CDH13: variants seen among roughly 807,000 people sequenced by gnomAD.
CDH13 encodes the protein cadherin 13, also known as cadherin-13.
CDH13 carries 24 observed loss-of-function variants against 63.8 expected under a neutral mutation model. The observed-to-expected ratio is 0.38, with a 90% CI of 0.27 to 0.53. CDH13 has a LOEUF of 0.53. CDH13 is among the 20% of genes least tolerant of loss of function. The probability of loss-of-function intolerance (pLI) is 0.85; values close to 1 mark genes in which losing one functional copy is unlikely to be tolerated. For missense variants in CDH13, 1,049 were observed against 903.1 expected (o/e 1.16, Z -2.07); for synonymous variants, 503 against 355.3 (o/e 1.42, Z -4.67).
chr16:82,776,104 G>T (rs1056659196), intron 1 of CDH13, among the ~76,000 whole-genome samples: 1 of 152,160 alleles, frequency 6.6e-6, no homozygotes, highest in African/African-American at 2.4e-5. Context: ...CAGCTACTTG[G>T]GTGGGTGAGG....
chr16:83,333,469 T>C (rs775581742), intron 5 of CDH13, among the ~76,000 whole-genome samples: 4 of 152,140 alleles, frequency 2.6e-5, no homozygotes, highest in Non-Finnish European at 4.4e-5. Context: ...TCTGGGAGAC[T>C]GTCAGGGTGC....
intron 7 of CDH13, among the ~76,000 whole-genome samples, chr16:83,556,495 G>T (rs1407717483): frequency 6.6e-6 from 1 of 152,124 alleles, no homozygotes; most frequent in Admixed American, 6.5e-5. Flanking sequence ...AGCCAAAGTT[G>T]TTGTTGTTCC....
intron 1 of CDH13, among the ~76,000 whole-genome samples, chr16:82,832,243 G>GTTTAT (rs111339851): frequency 0.71 from 107,183 of 151,474 alleles, 38,272 homozygotes; most frequent in East Asian, 0.98. Context: ...TTAAACCACT[G>GTTTAT]TTTAATACTT....
intron 5 of CDH13, among the ~76,000 whole-genome samples, chr16:83,288,271 G>C (rs1047920365): frequency 2.0e-5 from 3 of 152,168 alleles, no homozygotes; most frequent in African/African-American, 7.2e-5. Context: ...AGTGCTGTGT[G>C]AGCCATTGTG....
intron 7 of CDH13, among the ~76,000 whole-genome samples, chr16:83,495,549 G>A (rs2074116640): frequency 6.6e-6 from 1 of 152,150 alleles, no homozygotes; most frequent in Non-Finnish European, 1.5e-5. Flanking sequence ...GCATGAGAAG[G>A]GGAAAAGGGA....
intron 1 of CDH13, among the ~76,000 whole-genome samples, chr16:82,839,241 G>A (rs1031056883): frequency 7.9e-5 from 12 of 152,252 alleles, no homozygotes; most frequent in Admixed American, 2.0e-4. Context: ...ATGTGGCCGC[G>A]TCTTTTGGGT....
In CDH13 at chr16:83,248,958, G is replaced by A. The variant is rs527488751; in HGVS notation, c.636+31461G>A. On this transcript the variant is annotated intron_variant, in intron 5 of 13. Transcript: ENST00000567109. Reference sequence around the variant, plus strand: ...AACTCGTGCCCTGAATTTTGGCAAGGAAGTTATCACCAGCTTTCACTCTTT... The same window carrying A: ...AACTCGTGCCCTGAATTTTGGCAAGAAAGTTATCACCAGCTTTCACTCTTT... Among the ~76,000 whole-genome samples the A allele has an allele frequency of 1.1e-4, 17 of 152,294 alleles. No homozygotes were observed. The South Asian group carries it at 3.5e-3, about 32-fold the overall frequency.
Position 83,216,397 on chromosome 16 carries a change from A to AATATATATATATGTATATAT in CDH13, c.484-936_484-935insGTATATATATATATATATAT, listed in dbSNP as rs1473011322. Among the ~76,000 whole-genome samples, 12 of 16,108 alleles carry AATATATATATATGTATATAT rather than the reference A, an allele frequency of 7.4e-4. 2 individuals are homozygous for AATATATATATATGTATATAT. Among genetic ancestry groups the AATATATATATATGTATATAT allele is most frequent in the Non-Finnish European group, 1.8e-3 (11 of 6,040 alleles). 10.6% of individuals were successfully genotyped at this position (16,108 alleles called of 152,430 possible). A position where few individuals can be genotyped will look rare whatever the true frequency, so the allele number is the denominator to read the frequency against. The stretch of plus-strand genomic sequence containing the variant: ...TAATGTCCTCTGCCTCCAGCATTGA[A>AATATATATATATGTATATAT]ATATATATATATATATATATATATA... On this transcript the variant is annotated intron_variant, in intron 4 of 13. Transcript: ENST00000567109.
chr16:83,017,074 C>T (rs966150846), intron 2 of CDH13, among the ~76,000 whole-genome samples: 5 of 152,304 alleles, frequency 3.3e-5, no homozygotes, highest in Non-Finnish European at 7.4e-5. Context: ...AAATTTCAAA[C>T]TTATGTTTCC....
chr16:82,648,383 T>C (rs3844415), intron 1 of CDH13, among the ~76,000 whole-genome samples: 69,912 of 152,124 alleles, frequency 0.46, 16,897 homozygotes, highest in African/African-American at 0.62. Flanking sequence ...AGTTGCCACA[T>C]GCCTGACTCT....
intron 2 of CDH13, among the ~76,000 whole-genome samples, chr16:82,934,466 C>T (rs774038783): frequency 6.6e-6 from 1 of 152,170 alleles, no homozygotes; most frequent in Non-Finnish European, 1.5e-5. Context: ...GCAGGGGCTA[C>T]CATGAAGATC....
intron 1 of CDH13, among the ~76,000 whole-genome samples, chr16:82,804,040 C>G (rs1342994350): frequency 6.6e-6 from 1 of 152,032 alleles, no homozygotes; most frequent in Non-Finnish European, 1.5e-5. Flanking sequence ...CCAGCCTGAC[C>G]AACATGGTAA....
intron 6 of CDH13, among the ~76,000 whole-genome samples, chr16:83,479,098 T>C (rs1224550202): frequency 1.3e-5 from 2 of 152,198 alleles, no homozygotes. Flanking sequence ...TGCTGTCTAC[T>C]CAAGAATGTC....
rs1036875048 is a variant in CDH13, at chr16:83,029,212, A to G, written c.158-2798A>G. On this transcript the variant is annotated intron_variant, in intron 2 of 13. Transcript: ENST00000567109. ...ACCCTAAGTATCATCTTCCCAGAGT[A>G]GAAATATCAGTTTAGATTTTCAGAT... Among the ~76,000 whole-genome samples the G allele has an allele frequency of 2.0e-5, 3 of 152,226 alleles. No individual in the cohort carries two copies. In the East Asian group the frequency reaches 5.8e-4, roughly 29 times the overall value.
rs552098580 is a variant in CDH13 at position 83,079,826 on chromosome 16, G to A, written c.367-45559G>A. Among the ~76,000 whole-genome samples, 33 of 152,270 alleles carry A rather than the reference G, an allele frequency of 2.2e-4. No homozygotes were observed. In the South Asian group the frequency reaches 5.0e-3, roughly 23 times the overall value. On this transcript the variant is annotated intron_variant, in intron 3 of 13. Transcript: ENST00000567109. ...TTTATTTGGATGATCCATGGTGTTG[G>A]AAAATAATAAGTTACATATCTACCT...
intron 3 of CDH13, among the ~76,000 whole-genome samples, chr16:83,091,585 C>T (rs1376259737): frequency 6.6e-6 from 1 of 152,218 alleles, no homozygotes; most frequent in African/African-American, 2.4e-5. Context: ...GCCACTAAGT[C>T]ATGGGCTGGT....
At chr16:82,966,297 C>A (rs142906915) in intron 2 of CDH13, among the ~76,000 whole-genome samples, 1 of 151,826 alleles carries the variant, frequency 6.6e-6, no homozygotes, top group Admixed American at 6.6e-5. Flanking sequence ...TACAGGCGCC[C>A]GCCACCACGC....
At chr16:82,994,414 G>A (rs1016361193) in intron 2 of CDH13, among the ~76,000 whole-genome samples, 3 of 152,068 alleles carry the variant, frequency 2.0e-5, no homozygotes, top group African/African-American at 7.2e-5. Flanking sequence ...CTTTAGGGAG[G>A]GGCAGGGATT....
intron 10 of CDH13, among the ~76,000 whole-genome samples, chr16:83,713,047 C>G (rs1240344410): frequency 6.6e-6 from 1 of 152,204 alleles, no homozygotes; most frequent in Non-Finnish European, 1.5e-5. Context: ...TTAAAATGAT[C>G]TGAGCACTTT....
Sources: gnomAD v4.1 joint callset for allele counts (sites outside exome capture counted in the v4.1 genomes callset) on GRCh38, gnomAD v4.1.1 for gene constraint, MANE v1.5 for transcripts, NCBI Gene and HGNC (gene_info 2026-07-23, HGNC 2026-07-21) for gene names.